Variants in DOCK9 observed in about 807,000 individuals in gnomAD.
DOCK9 encodes the protein dedicator of cytokinesis protein 9.
DOCK9 carries 89 observed loss-of-function variants against 263.3 expected under a neutral mutation model. The observed-to-expected ratio is 0.34, with a 90% CI of 0.28 to 0.40. DOCK9 has a LOEUF of 0.40. Ranked by LOEUF, DOCK9 falls within the 10% of genes least tolerant of loss-of-function variation. The pLI is 1.00. For missense variants in DOCK9, 2,140 were observed against 2,603.4 expected (o/e 0.82, Z 3.87); for synonymous variants, 976 against 973.1 (o/e 1.00, Z -0.06).
At chr13:98,801,750 A>T (rs2090135947) in intron 49 of DOCK9, among the ~76,000 whole-genome samples, 1 of 152,166 alleles carries the variant, frequency 6.6e-6, no homozygotes, top group Admixed American at 6.5e-5. Flanking sequence ...TCTAGTTAGC[A>T]ACTGGCTAGG....
intron 27 of DOCK9, among the ~76,000 whole-genome samples, chr13:98,875,293 G>A (rs1321446261): frequency 2.0e-5 from 3 of 149,396 alleles, no homozygotes; most frequent in South Asian, 2.2e-4. Flanking sequence ...CTGGTAGAAT[G>A]CATACTAGCA....
chr13:98,946,580 G>A (rs529647009), intron 2 of DOCK9, among the ~76,000 whole-genome samples: 2 of 152,210 alleles, frequency 1.3e-5, no homozygotes, highest in South Asian at 4.2e-4. Flanking sequence ...TCCCTCCCCA[G>A]AGACCCCATG....
At chr13:98,863,735 A>C (rs2093941570) in intron 30 of DOCK9, among the ~76,000 whole-genome samples, 187 bp from the exon 31 acceptor site, 1 of 152,262 alleles carries the variant, frequency 6.6e-6, no homozygotes, top group South Asian at 2.1e-4. Context: ...TCTACTTCTT[A>C]GCACAGGAGG....
chr13:98,814,382 T>C (rs571215960), intron 45 of DOCK9, among the ~76,000 whole-genome samples: 43 of 151,570 alleles, frequency 2.8e-4, no homozygotes, highest in African/African-American at 9.4e-4. Context: ...TTTTCCTTTG[T>C]ATCTGTATTA....
intron 2 of DOCK9, among the ~76,000 whole-genome samples, chr13:98,937,358 C>A (rs1195376755): frequency 6.6e-6 from 1 of 151,518 alleles, no homozygotes; most frequent in Non-Finnish European, 1.5e-5. Context: ...AAGGTATGCA[C>A]CTGCAAGAAA....
chr13:99,053,841 A>G (rs1359114390), intron 1 of DOCK9, among the ~76,000 whole-genome samples: 1 of 151,680 alleles, frequency 6.6e-6, no homozygotes, highest in African/African-American at 2.4e-5. Flanking sequence ...CACACCCTCC[A>G]CCTCCCCTCA....
At position 98,805,120 on chromosome 13, in the gene DOCK9, C is replaced by T; in HGVS notation, c.5604G>A (p.Arg1868=). The change falls in exon 49 of 53, where the codon AGG becomes AGA. Residue 1868 remains arginine (R), a synonymous_variant. Coordinates refer to ENST00000682017, the MANE Select transcript of DOCK9 (RefSeq NM_001366683.2). ...TGTGGGATCTCTCAAACTCTGTTTT[C>T]CTTTCTTGCAACTCTTTTTCGTCAA... ...PFFDEKELQE[R]KTEFERSHNI... is the part of the protein sequence containing the mutation. 1 of 1,610,650 alleles carries T rather than the reference C, an allele frequency of 6.2e-7. No individual in the cohort carries two copies. The highest frequency in any genetic ancestry group is 1.1e-5 in the South Asian group (1 of 90,188).
intron 2 of DOCK9, among the ~76,000 whole-genome samples, chr13:98,950,754 A>G (rs908025538): frequency 1.3e-5 from 2 of 152,248 alleles, no homozygotes; most frequent in African/African-American, 4.8e-5. Context: ...CTGTCACTTT[A>G]CATAGTCGCA....
intron 1 of DOCK9, among the ~76,000 whole-genome samples, chr13:98,955,881 T>C (rs1455576505): frequency 1.3e-5 from 2 of 152,182 alleles, no homozygotes; most frequent in Non-Finnish European, 1.5e-5. Flanking sequence ...CCTGGTTAGG[T>C]GTCCAGCCAT....
chr13:98,927,774 C>A (rs2053237404), intron 3 of DOCK9, among the ~76,000 whole-genome samples: 1 of 151,926 alleles, frequency 6.6e-6, no homozygotes, highest in African/African-American at 2.4e-5. Context: ...GCGAACACCA[C>A]GACGCCTGGC....
At chr13:98,876,018 C>T (rs2043785930) in intron 27 of DOCK9, among the ~76,000 whole-genome samples, 3 of 152,204 alleles carry the variant, frequency 2.0e-5, no homozygotes, top group Non-Finnish European at 2.9e-5. Flanking sequence ...ACTCACTCGA[C>T]TACCACCAAG....
chr13:98,928,737 C>A (rs1216703482), intron 3 of DOCK9, among the ~76,000 whole-genome samples: 1 of 152,138 alleles, frequency 6.6e-6, no homozygotes, highest in Non-Finnish European at 1.5e-5. Context: ...GGCTGCTTTA[C>A]AATAAAACTT....
chr13:98,910,370 GA>G (rs1222270026), intron 9 of DOCK9, among the ~76,000 whole-genome samples: 1 of 152,108 alleles, frequency 6.6e-6, no homozygotes, highest in Admixed American at 6.6e-5. Flanking sequence ...TAGACAATAG[GA>G]GGAAAAGAAC....
In DOCK9 at chr13:98,794,738, AG is replaced by A; in HGVS notation, c.6166del (p.Leu2056TrpfsTer30). The A allele has an allele frequency of 6.2e-7, 1 of 1,613,854 alleles. No individual in the cohort carries two copies. Among genetic ancestry groups the A allele is most frequent in the East Asian group, 2.2e-5 (1 of 44,882 alleles). ...SEIMHEQICP[L>X]EEKTSVLPNS... ...CGGTAAGACGCTCGTCTTCTCCTCC[AG>A]GGGGCAGATCTTGAGGACAGAAACA... On this transcript the variant is annotated frameshift_variant, in exon 53 of 53. Transcript: ENST00000682017. LOFTEE classifies it high-confidence loss of function.
At chr13:98,828,731 T>C (rs2092645078) in intron 43 of DOCK9, among the ~76,000 whole-genome samples, 1 of 152,316 alleles carries the variant, frequency 6.6e-6, no homozygotes, top group East Asian at 1.9e-4. Flanking sequence ...GATGATGTCA[T>C]TGAGCAATAG....
intron 45 of DOCK9, among the ~76,000 whole-genome samples, chr13:98,814,162 T>A (rs973518140): frequency 6.6e-6 from 1 of 152,184 alleles, no homozygotes; most frequent in African/African-American, 2.4e-5. Flanking sequence ...AGCAAGACCA[T>A]TTACCTCCTA....
intron 45 of DOCK9, among the ~76,000 whole-genome samples, chr13:98,819,899 T>C (rs533758140): frequency 1.3e-5 from 2 of 152,362 alleles, no homozygotes; most frequent in South Asian, 2.1e-4. Flanking sequence ...TTTTGACGAA[T>C]AGAAGCCAGA....
intron 38 of DOCK9, among the ~76,000 whole-genome samples, chr13:98,842,140 C>G (rs186511594): frequency 9.2e-4 from 140 of 152,240 alleles, no homozygotes; most frequent in African/African-American, 3.0e-3. Context: ...TATTCATTTT[C>G]CTGCTTGTGC....
intron 1 of DOCK9, among the ~76,000 whole-genome samples, chr13:98,963,651 C>G (rs376033330): frequency 2.6e-5 from 4 of 152,178 alleles, no homozygotes; most frequent in Admixed American, 1.3e-4. Context: ...ATGAGAAATT[C>G]GTCATTTCTG....
Sources: allele counts gnomAD v4.1 joint callset (sites outside exome capture counted in the v4.1 genomes callset), GRCh38; gene constraint gnomAD v4.1.1; transcripts MANE v1.5; gene names NCBI Gene and HGNC (gene_info 2026-07-23, HGNC 2026-07-21).